Variants in PAMR1 observed in about 807,000 individuals in gnomAD.
PAMR1 encodes the protein inactive serine protease PAMR1.
PAMR1 carries 88 observed loss-of-function variants against 81.8 expected under a neutral mutation model. That is an observed-to-expected ratio of 1.08 (90% confidence interval 0.91 to 1.28). The LOEUF is 1.28. Ranked by LOEUF, PAMR1 falls within the 50% of genes most tolerant of loss-of-function variation. The pLI, the probability that PAMR1 is intolerant of heterozygous loss-of-function variation, is 0.00. For synonymous variants in PAMR1, 336 were observed against 345.3 expected, an observed-to-expected ratio of 0.97 and a Z score of 0.30; for missense variants, 935 against 919.7, an observed-to-expected ratio of 1.02 and a Z score of -0.21.
chr11:35,451,918 TG>T, intron 6 of PAMR1: 1 of 701,060 alleles, frequency 1.4e-6, no homozygotes. Context: ...GCCTTGATCT[TG>T]GACTTCCCAG....
chr11:35,473,551 A>G (rs1850228038), intron 4 of PAMR1, among the ~76,000 whole-genome samples: 1 of 152,192 alleles, frequency 6.6e-6, no homozygotes, highest in Admixed American at 6.5e-5. Flanking sequence ...GGCTTCCTCT[A>G]GGAATTAATG....
chr11:35,489,686 C>T (rs987607694), intron 3 of PAMR1, among the ~76,000 whole-genome samples: 2 of 152,192 alleles, frequency 1.3e-5, no homozygotes, highest in African/African-American at 4.8e-5. Context: ...CTTGAACACA[C>T]CTTGCATTTT....
intron 5 of PAMR1, 144 bp downstream of exon 5, chr11:35,470,457 T>C: frequency 1.5e-6 from 1 of 650,328 alleles, no homozygotes; most frequent in Non-Finnish European, 2.7e-6. Flanking sequence ...TTGCTATTTC[T>C]TTTTTCTCAG....
rs1334161695 is a variant in PAMR1, at chr11:35,454,841, C to T, written c.821-13148G>A. 2.8e-4 allele frequency among the ~76,000 whole-genome samples: 42 copies of T among 152,166 alleles called. 1 individual carries two copies. Among genetic ancestry groups the T allele is most frequent in the Admixed American group, 2.7e-3 (42 of 15,278 alleles). On this transcript the variant is annotated intron_variant, in intron 6 of 10. Transcript: ENST00000619888. ...CCTCCACAAATATGCTCGCCTTGGG[C>T]TCCAGGCCAGCCCCACACCAGCCAA...
At chr11:35,519,466 C>T (rs1170413501) in intron 1 of PAMR1, among the ~76,000 whole-genome samples, 1 of 152,210 alleles carries the variant, frequency 6.6e-6, no homozygotes, top group Non-Finnish European at 1.5e-5. Context: ...AATTCTGTTC[C>T]TCTGCAAACA....
chr11:35,500,462 C>A (rs902136954), intron 1 of PAMR1, among the ~76,000 whole-genome samples: 3 of 152,140 alleles, frequency 2.0e-5, no homozygotes, highest in Admixed American at 6.5e-5. Flanking sequence ...CCTGATGGTG[C>A]TCACAGTTCA....
At chr11:35,526,867 C>A (rs1851404194), upstream of PAMR1, among the ~76,000 whole-genome samples, 1 of 152,138 alleles carries the variant, frequency 6.6e-6, no homozygotes, top group South Asian at 2.1e-4. Flanking sequence ...GGGACAGTTA[C>A]CCCCATAAAA....
At chr11:35,494,032 C>T (rs1565351491) in intron 2 of PAMR1, 64 bp downstream of exon 2, 1 of 1,322,718 alleles carries the variant, frequency 7.6e-7, no homozygotes, top group South Asian at 1.3e-5. Context: ...AGGCGTTCAG[C>T]CTGTTCCTGT....
chr11:35,480,421 A>G (rs978216595), intron 3 of PAMR1, among the ~76,000 whole-genome samples: 3 of 152,214 alleles, frequency 2.0e-5, no homozygotes, highest in African/African-American at 7.2e-5. Context: ...TAGCACAAAG[A>G]GTTAAGACTG....
At position 35,462,684 on chromosome 11, in the gene PAMR1, T is replaced by C. The variant is rs115065112; in HGVS notation, c.820+5317A>G. Among the ~76,000 whole-genome samples, 1,022 of 152,302 alleles carry C rather than the reference T, an allele frequency of 6.7e-3. 13 individuals are homozygous for C. Among genetic ancestry groups the C allele is most frequent in the African/African-American group, 0.023 (974 of 41,562 alleles). On this transcript the variant is annotated intron_variant, in intron 6 of 10. Coordinates refer to ENST00000619888, the MANE Select transcript of PAMR1 (RefSeq NM_001001991.3). ...CTATTACTCAACTCAGTGCCTTATG[T>C]GGATCATCTCATCCCCTCCCTACAA...
chr11:35,447,030 A>G (rs771871567), intron 6 of PAMR1, among the ~76,000 whole-genome samples: 3 of 152,084 alleles, frequency 2.0e-5, no homozygotes, highest in Non-Finnish European at 4.4e-5. Flanking sequence ...TTGGGTGCAT[A>G]TATGTTTAGG....
At chr11:35,526,722 A>G (rs1448900707), upstream of PAMR1, among the ~76,000 whole-genome samples, 3 of 152,176 alleles carry the variant, frequency 2.0e-5, no homozygotes, top group African/African-American at 4.8e-5. Context: ...GCTTCTTAGG[A>G]TGCTACATAT....
chr11:35,499,149 C>T (rs1850782106), intron 1 of PAMR1, among the ~76,000 whole-genome samples: 1 of 152,188 alleles, frequency 6.6e-6, no homozygotes, highest in South Asian at 2.1e-4. Context: ...CCAGTGGGTT[C>T]AGCTTGGAGC....
intron 1 of PAMR1, among the ~76,000 whole-genome samples, chr11:35,517,575 T>C (rs1210759580): frequency 2.6e-5 from 4 of 152,208 alleles, no homozygotes; most frequent in East Asian, 1.9e-4. Context: ...AATATTTCAT[T>C]ATAAAAAATG....
chr11:35,457,643 G>A (rs1057472103), intron 6 of PAMR1, among the ~76,000 whole-genome samples: 7 of 152,134 alleles, frequency 4.6e-5, no homozygotes, highest in East Asian at 3.8e-4. Context: ...CCTAGAAGCC[G>A]CCTGTTCGAC....
chr11:35,505,507 T>C (rs1850932736), intron 1 of PAMR1, among the ~76,000 whole-genome samples: 1 of 152,160 alleles, frequency 6.6e-6, no homozygotes, highest in African/African-American at 2.4e-5. Flanking sequence ...TTTCTTTATA[T>C]ACTTGGGTGC....
At chr11:35,440,168 A>G (rs1312747846) in intron 7 of PAMR1, among the ~76,000 whole-genome samples, 1 of 152,328 alleles carries the variant, frequency 6.6e-6, no homozygotes. Context: ...GGCCCCTAAC[A>G]ATCACTTGAG....
chr11:35,499,921 C>CT (rs1255197450), intron 1 of PAMR1, among the ~76,000 whole-genome samples: 2 of 151,662 alleles, frequency 1.3e-5, no homozygotes, highest in African/African-American at 4.9e-5. Flanking sequence ...CAAGGCCCCC[C>CT]GTAAGAGGGA....
At chr11:35,465,803 C>T (rs1464993919) in intron 6 of PAMR1, among the ~76,000 whole-genome samples, 2 of 152,154 alleles carry the variant, frequency 1.3e-5, no homozygotes, top group African/African-American at 4.8e-5. Context: ...TTTTCCTGCC[C>T]ATCTATGCTG....
Sources: allele counts gnomAD v4.1 joint callset (sites outside exome capture counted in the v4.1 genomes callset), GRCh38; gene constraint gnomAD v4.1.1; transcripts MANE v1.5; gene names NCBI Gene and HGNC (gene_info 2026-07-23, HGNC 2026-07-21).